SLC30A7: variants seen among roughly 807,000 people sequenced by gnomAD.
SLC30A7 encodes solute carrier family 30 member 7.
In SLC30A7, 35 loss-of-function variants were observed where a neutral mutation model predicts 46.0. The observed-to-expected ratio is 0.76, with a 90% CI of 0.58 to 1.01. SLC30A7 has a LOEUF of 1.01. SLC30A7 is among the 50% of genes least tolerant of loss of function. SLC30A7 has a pLI of 0.00. For missense variants in SLC30A7, 464 were observed against 451.1 expected (o/e 1.03, Z -0.26); for synonymous variants, 147 against 157.8 (o/e 0.93, Z 0.51).
chr1:100,990,112 A>C, the SLC30A7 span: 2 of 370,802 alleles, frequency 5.4e-6, no homozygotes, highest in Non-Finnish European at 5.0e-6. Flanking sequence ...CATGGCTGGG[A>C]AGGCCTCAGG....
At chr1:100,906,784 A>C (rs1473156871) in intron 2 of SLC30A7, 68 bp from the exon 3 acceptor site, 1 of 1,025,274 alleles carries the variant, frequency 9.8e-7, no homozygotes, top group Non-Finnish European at 1.5e-6. Context: ...TGAATCTTAG[A>C]CTTTCAGAGA....
the SLC30A7 span, chr1:100,995,668 G>C: frequency 6.5e-6 from 1 of 153,664 alleles, no homozygotes; most frequent in African/African-American, 2.4e-5. Context: ...GTCAGACGCT[G>C]CGTCAGAGAC....
intron 8 of SLC30A7, among the ~76,000 whole-genome samples, chr1:100,930,129 A>G (rs1037696950): frequency 6.6e-6 from 1 of 152,034 alleles, no homozygotes; most frequent in African/African-American, 2.4e-5. Context: ...TACTGGTGTG[A>G]TATTTCTGAA....
intron 8 of SLC30A7, among the ~76,000 whole-genome samples, chr1:100,925,246 C>T (rs956838670): frequency 6.6e-6 from 1 of 152,178 alleles, no homozygotes; most frequent in Non-Finnish European, 1.5e-5. Flanking sequence ...GAAAGGAGGC[C>T]AGCATGGCTG....
At chr1:100,990,454 G>A in the SLC30A7 span, 320 of 1,614,034 alleles carry the variant, frequency 2.0e-4, no homozygotes, top group African/African-American at 4.0e-3. Context: ...TTCTGGTATG[G>A]AAAACAGACT....
intron 8 of SLC30A7, among the ~76,000 whole-genome samples, chr1:100,954,334 C>T (rs1316055584): frequency 6.6e-6 from 1 of 152,066 alleles, no homozygotes; most frequent in Non-Finnish European, 1.5e-5. Flanking sequence ...TTAGTTTTCT[C>T]ATCAGTAAAA....
Position 100,978,556 on chromosome 1 carries a change from A to C in SLC30A7, c.*3699A>C, listed in dbSNP as rs1207998061. ...CCCAGAAAAACTCTCATTTGCTCAA[A>C]GTCACAGAGAAAATTAGTGGCAAAG... is the stretch of plus-strand genomic sequence containing the variant. On this transcript the variant is annotated 3_prime_UTR_variant, in exon 11 of 11. Coordinates refer to ENST00000357650, the MANE Select transcript of SLC30A7 (RefSeq NM_133496.5). 1 of 152,202 alleles carries C rather than the reference A, an allele frequency of 6.6e-6. No individual in the cohort carries two copies. The highest frequency in any genetic ancestry group is 2.4e-5 in the African/African-American group (1 of 41,454). The allele number at this position is 152,202 out of a possible 1,614,324, so 9.4% of individuals were successfully genotyped here. A position where few individuals can be genotyped will look rare whatever the true frequency, so the allele number is the denominator to read the frequency against.
chr1:100,946,790 G>T (rs369764219), intron 8 of SLC30A7, among the ~76,000 whole-genome samples: 12 of 152,136 alleles, frequency 7.9e-5, no homozygotes, highest in East Asian at 3.9e-4. Context: ...TCTGCATGAT[G>T]CTGGCCTCAT....
intron 8 of SLC30A7, among the ~76,000 whole-genome samples, 172 bp downstream of exon 8, chr1:100,922,013 G>A (rs1049450180): frequency 1.3e-5 from 2 of 148,994 alleles, no homozygotes; most frequent in Admixed American, 1.3e-4. Context: ...GAGTGCTGTG[G>A]CACTGTCTCG....
rs761853096 is a variant in SLC30A7, at chr1:100,918,146, A to G, written c.706+19A>G. 3.1e-6 allele frequency: 5 copies of G among 1,607,192 alleles called. No individual in the cohort carries two copies. The highest frequency in any genetic ancestry group is 4.5e-5 in the East Asian group (2 of 44,742). Reference sequence around the variant, plus strand: ...TTACAAGGTATGACAAGCAATTTTTATGTTTCTTAGTTTTTTGAAACTGCT... The same window carrying G: ...TTACAAGGTATGACAAGCAATTTTTGTGTTTCTTAGTTTTTTGAAACTGCT... On this transcript the variant is annotated intron_variant, in intron 7 of 10. Transcript: ENST00000357650.
At chr1:100,904,248 T>C (rs1651498133) in intron 2 of SLC30A7, among the ~76,000 whole-genome samples, 2 of 152,206 alleles carry the variant, frequency 1.3e-5, no homozygotes, top group Admixed American at 1.3e-4. Flanking sequence ...ACATTTTTAT[T>C]GACTTCTCTT....
At chr1:100,985,113 T>C (rs1341672408), downstream of SLC30A7, among the ~76,000 whole-genome samples, 11 of 152,180 alleles carry the variant, frequency 7.2e-5, no homozygotes, top group Non-Finnish European at 1.5e-4. Context: ...ATAAAAATTA[T>C]CAGCTCTAGG....
In SLC30A7 at chr1:100,978,676, G is replaced by T. The variant is rs1254033550; in HGVS notation, c.*3819G>T. ...GTAATATTTGCCTTTCTGTAAATGG[G>T]ATTAAATATGATTTGTAAATAAAGG... On this transcript the variant is annotated 3_prime_UTR_variant, in exon 11 of 11. Transcript: ENST00000357650. The T allele has an allele frequency of 6.6e-6, 1 of 152,148 alleles. No homozygotes were observed. Among genetic ancestry groups the T allele is most frequent in the Non-Finnish European group, 1.5e-5 (1 of 68,028 alleles). The allele number at this position is 152,148 out of a possible 1,614,324, so 9.4% of individuals were successfully genotyped here. A position where few individuals can be genotyped will look rare whatever the true frequency, so the allele number is the denominator to read the frequency against.
At chr1:100,962,789 C>T (rs968282824) in intron 9 of SLC30A7, among the ~76,000 whole-genome samples, 1 of 152,102 alleles carries the variant, frequency 6.6e-6, no homozygotes, top group African/African-American at 2.4e-5. Flanking sequence ...AGGATGAAAG[C>T]AAAGAAAACC....
intron 8 of SLC30A7, among the ~76,000 whole-genome samples, chr1:100,954,017 T>C (rs992318906): frequency 4.6e-5 from 7 of 152,334 alleles, no homozygotes; most frequent in Non-Finnish European, 1.0e-4. Flanking sequence ...TTAGCTGTTA[T>C]TGTGAAGGGT....
intron 7 of SLC30A7, among the ~76,000 whole-genome samples, chr1:100,921,370 A>G (rs1319627480): frequency 1.3e-5 from 2 of 152,176 alleles, no homozygotes; most frequent in Non-Finnish European, 2.9e-5. Context: ...CCATCCCATA[A>G]CAAATTACTG....
At chr1:100,988,721 A>T in the SLC30A7 span, among the ~76,000 whole-genome samples, 1 of 152,022 alleles carries the variant, frequency 6.6e-6, no homozygotes, top group Non-Finnish European at 1.5e-5. Context: ...GTGCCGCCAC[A>T]TGACTGTAAT....
chr1:100,992,565 T>C, the SLC30A7 span: 1 of 1,059,284 alleles, frequency 9.4e-7, no homozygotes, highest in South Asian at 1.4e-5. Flanking sequence ...TGGTATGAGA[T>C]ATTAAGTCAT....
intron 1 of SLC30A7, 81 bp downstream of exon 1, chr1:100,896,423 G>C (rs950320294): frequency 4.6e-6 from 7 of 1,510,006 alleles, no homozygotes; most frequent in South Asian, 4.5e-5. Flanking sequence ...CCGAGGTCCA[G>C]TGAGGGAGAG....
Sources: gnomAD v4.1 joint callset for allele counts (sites outside exome capture counted in the v4.1 genomes callset) on GRCh38, gnomAD v4.1.1 for gene constraint, MANE v1.5 for transcripts, NCBI Gene and HGNC (gene_info 2026-07-23, HGNC 2026-07-21) for gene names.